AMMECR1: variants seen among roughly 807,000 people sequenced by gnomAD.
AMMECR1 encodes AMMECR nuclear protein 1, also known as nuclear protein AMMECR1.
A neutral mutation model predicts 22.5 loss-of-function variants in AMMECR1; 3 were observed. The observed-to-expected ratio is 0.13, with a 90% CI of 0.06 to 0.35. The LOEUF is 0.35. AMMECR1 is among the 10% of genes least tolerant of loss of function. The probability of loss-of-function intolerance (pLI) is 1.00; values close to 1 mark genes in which losing one functional copy is unlikely to be tolerated. For missense variants in AMMECR1, 235 were observed against 278.7 expected (o/e 0.84, Z 1.12); for synonymous variants, 130 against 116.7 (o/e 1.11, Z -0.74).
chrX:110,434,044 C>T (rs750118413), intron 1 of AMMECR1, among the ~76,000 whole-genome samples: 5 of 111,312 alleles, frequency 4.5e-5, no homozygotes, highest in Middle Eastern at 4.6e-3. Flanking sequence ...GAAGTCTCCA[C>T]GAATGAAGGA....
intron 2 of AMMECR1, among the ~76,000 whole-genome samples, chrX:110,376,145 A>G (rs1164154060): frequency 9.0e-6 from 1 of 111,410 alleles, no homozygotes; most frequent in African/African-American, 3.3e-5. Context: ...AGCCAGTGGG[A>G]AAAAAACTGC....
chrX:110,365,898 T>C (rs2068294044), intron 2 of AMMECR1, among the ~76,000 whole-genome samples: 1 of 112,104 alleles, frequency 8.9e-6, no homozygotes, highest in Admixed American at 9.5e-5. Context: ...ATTGTGACAA[T>C]ACTATCTCTT....
intron 2 of AMMECR1, among the ~76,000 whole-genome samples, chrX:110,224,376 G>A (rs769063499): frequency 5.7e-4 from 64 of 111,494 alleles, no homozygotes; most frequent in Admixed American, 3.6e-3. Context: ...ATATGGATAT[G>A]TATAAAATAC....
rs956869977 is a variant in AMMECR1, at chrX:110,333,926, G to A, written c.-147-16077C>T. On this transcript the variant is annotated intron_variant, in intron 2 of 7. Coordinates refer to the AMMECR1 transcript ENST00000372057. The stretch of plus-strand genomic sequence containing the variant: ...ACCACCATGGCACGTGTCTACCTGT[G>A]TAACAAACCTGCACGTTCTGCACAT... 4.6e-4 allele frequency among the ~76,000 whole-genome samples: 51 copies of A among 110,615 alleles called. 1 individual carries two copies. Among genetic ancestry groups the A allele is most frequent in the African/African-American group, 1.6e-3 (50 of 30,337 alleles).
intron 2 of AMMECR1, among the ~76,000 whole-genome samples, chrX:110,219,856 G>C (rs1043815894): frequency 1.8e-5 from 2 of 111,890 alleles, no homozygotes; most frequent in Non-Finnish European, 3.8e-5. Context: ...TTAAATTCAT[G>C]AACACAGAAA....
In AMMECR1 at chrX:110,198,464, G is replaced by T; in HGVS notation, c.*56C>A. ...AGATAGCTAGACCAAGAAGGTGTAG[G>T]GTCTCCTGGGAAGAGGTCTGCAGAG... On this transcript the variant is annotated 3_prime_UTR_variant, in exon 6 of 6. Transcript: ENST00000262844. The T allele has an allele frequency of 5.2e-6, 4 of 763,241 alleles. No individual in the cohort carries two copies. In the South Asian group the frequency reaches 9.3e-5, roughly 18 times the overall value. The allele number at this position is 763,241 out of a possible 1,213,427, so 62.9% of individuals were successfully genotyped here. A position where few individuals can be genotyped will look rare whatever the true frequency, so the allele number is the denominator to read the frequency against.
chrX:110,317,542 A>T, intron 1 of AMMECR1, 57 bp downstream of exon 1: 1 of 1,098,293 alleles, frequency 9.1e-7, no homozygotes, highest in Non-Finnish European at 1.2e-6. Flanking sequence ...ACTTTGCCTC[A>T]ACTCTGAGCC....
intron 2 of AMMECR1, among the ~76,000 whole-genome samples, chrX:110,419,681 A>G (rs2068703324): frequency 8.9e-6 from 1 of 111,776 alleles, no homozygotes; most frequent in Non-Finnish European, 1.9e-5. Flanking sequence ...TGCCAGACAT[A>G]TGGTTGCTGA....
chrX:110,422,486 T>C (rs1238803930), intron 2 of AMMECR1, among the ~76,000 whole-genome samples: 1 of 113,002 alleles, frequency 8.8e-6, no homozygotes, highest in Non-Finnish European at 1.9e-5. Context: ...TCCCCAGTTG[T>C]GGCAAATCAC....
intron 2 of AMMECR1, among the ~76,000 whole-genome samples, chrX:110,358,465 G>T (rs1223925433): frequency 9.0e-6 from 1 of 110,876 alleles, no homozygotes. Context: ...AATGCATCAT[G>T]TCCATTTTCT....
At chrX:110,262,913 TTC>T (rs1002607137) in intron 2 of AMMECR1, among the ~76,000 whole-genome samples, 11 of 111,794 alleles carry the variant, frequency 9.8e-5, no homozygotes, top group Non-Finnish European at 2.1e-4. Flanking sequence ...TACATTCTAT[TTC>T]TCTCTCTTAG....
At chrX:110,233,211 C>A (rs1019974768) in intron 2 of AMMECR1, among the ~76,000 whole-genome samples, 5 of 111,734 alleles carry the variant, frequency 4.5e-5, no homozygotes, top group African/African-American at 1.3e-4. Context: ...AACCTCTATG[C>A]AAATTAACTA....
At chrX:110,378,814 G>A (rs1211143757) in intron 2 of AMMECR1, among the ~76,000 whole-genome samples, 2 of 110,744 alleles carry the variant, frequency 1.8e-5, no homozygotes, top group Middle Eastern at 8.4e-3. Flanking sequence ...CCCGACCCCC[G>A]CTGCCCACTG....
At chrX:110,402,373 T>C (rs1211839131) in intron 2 of AMMECR1, among the ~76,000 whole-genome samples, 2 of 113,069 alleles carry the variant, frequency 1.8e-5, no homozygotes, top group Non-Finnish European at 3.7e-5. Context: ...AGGGTTGCCT[T>C]GGTAAGGCAG....
At chrX:110,330,673 A>G (rs1251535753) in intron 2 of AMMECR1, among the ~76,000 whole-genome samples, 1 of 111,612 alleles carries the variant, frequency 9.0e-6, no homozygotes, top group Non-Finnish European at 1.9e-5. Context: ...TGAAAACCTG[A>G]TCCTTCACCA....
At chrX:110,430,998 A>G (rs2068792183) in intron 1 of AMMECR1, among the ~76,000 whole-genome samples, 1 of 112,056 alleles carries the variant, frequency 8.9e-6, no homozygotes, top group Non-Finnish European at 1.9e-5. Context: ...GGAATGAAGA[A>G]ACTTGGATTT....
Position 110,231,047 on chromosome X carries a change from G to A in AMMECR1, c.585-14415C>T, listed in dbSNP as rs150648406. On this transcript the variant is annotated intron_variant, in intron 2 of 5. Coordinates refer to ENST00000262844, the MANE Select transcript of AMMECR1 (RefSeq NM_015365.3). ...GACTATGTCAAAAGACCAAATCTAC[G>A]TGTGATTGGTGTACCTGAAAGTGAT... Among the ~76,000 whole-genome samples the A allele has an allele frequency of 3.3e-4, 37 of 112,198 alleles. No homozygotes were observed. The East Asian group carries it at 8.1e-3, about 25-fold the overall frequency.
At chrX:110,264,900 G>A (rs1037478551) in intron 1 of AMMECR1, among the ~76,000 whole-genome samples, 1 of 111,721 alleles carries the variant, frequency 9.0e-6, no homozygotes, top group African/African-American at 3.3e-5. Flanking sequence ...ATTTACAGAT[G>A]AGGGAGTCTC....
intron 2 of AMMECR1, among the ~76,000 whole-genome samples, chrX:110,250,295 C>T (rs1002783137): frequency 1.8e-5 from 2 of 111,823 alleles, no homozygotes; most frequent in Non-Finnish European, 3.8e-5. Flanking sequence ...ACTCTAGTTC[C>T]AACTCTGTGA....
Sources: gnomAD v4.1 joint callset for allele counts (sites outside exome capture counted in the v4.1 genomes callset) on GRCh38, gnomAD v4.1.1 for gene constraint, MANE v1.5 for transcripts, NCBI Gene and HGNC (gene_info 2026-07-23, HGNC 2026-07-21) for gene names.